The following NPHP4 variants were observed in gnomAD, a reference collection of about 807,000 sequenced individuals.
NPHP4 encodes nephrocystin 4, also known as nephrocystin-4.
A neutral mutation model predicts 155.8 loss-of-function variants in NPHP4; 151 were observed. The ratio of observed to expected loss-of-function variants is 0.97; its 90% CI spans 0.85 to 1.11. NPHP4 has a LOEUF of 1.11. NPHP4 is among the 50% of genes least tolerant of loss of function. NPHP4 has a pLI of 0.00. For synonymous variants in NPHP4, 845 were observed against 816.8 expected (o/e 1.03, Z -0.59); for missense variants, 1,956 against 1,925.7 (o/e 1.02, Z -0.29).
chr1:5,874,720 G>C, intron 21 of NPHP4, 63 bp from the exon 22 acceptor site: 1 of 1,558,206 alleles, frequency 6.4e-7, no homozygotes, highest in Non-Finnish European at 8.8e-7. Flanking sequence ...AGGAGGCTGC[G>C]GTCCCACCCA....
chr1:5,989,963 C>T (rs1266083558), intron 1 of NPHP4, among the ~76,000 whole-genome samples: 1 of 152,228 alleles, frequency 6.6e-6, no homozygotes, highest in African/African-American at 2.4e-5. Flanking sequence ...TCCTGAGGCT[C>T]GGGATGTGGA....
rs763731536 is a variant in NPHP4, at chr1:5,865,260, C to T, written c.3658G>A (p.Ala1220Thr). Residue 1220 changes from alanine to threonine, a missense_variant, in exon 27 of 30, where the codon GCG becomes ACG. Transcript: ENST00000378156. Reference sequence around the variant, plus strand: ...ACCTGCCACGTCTGTGTGGGTGTCGCCAGCCAGCGATCCCTGCAGTGGGAT... The same window carrying T: ...ACCTGCCACGTCTGTGTGGGTGTCGTCAGCCAGCGATCCCTGCAGTGGGAT... ...FVIIYSDRWL[A>T]TPTQTWQVYL... 16 of 1,567,226 alleles carry T rather than the reference C, an allele frequency of 1.0e-5. No individual in the cohort carries two copies. Among genetic ancestry groups the T allele is most frequent in the Non-Finnish European group, 1.4e-5 (16 of 1,149,382 alleles).
chr1:5,941,855 A>C (rs912001495), intron 9 of NPHP4, among the ~76,000 whole-genome samples: 1 of 151,800 alleles, frequency 6.6e-6, no homozygotes, highest in African/African-American at 2.4e-5. Context: ...GTGAGGAGAC[A>C]GGGGGCCCTG....
At chr1:5,969,050 C>T in intron 4 of NPHP4, 37 bp downstream of exon 4, 1 of 1,380,886 alleles carries the variant, frequency 7.2e-7, no homozygotes, top group Non-Finnish European at 9.9e-7. Context: ...AAGACAGACG[C>T]TGGAAAACCC....
In NPHP4 at chr1:5,944,880, G is replaced by A. The variant is rs972157151; in HGVS notation, c.1119+2224C>T. Among the ~76,000 whole-genome samples the A allele has an allele frequency of 3.3e-4, 50 of 152,140 alleles. 1 individual carries two copies. The highest frequency in any genetic ancestry group is 1.5e-4 in the Non-Finnish European group (10 of 68,016). The stretch of plus-strand genomic sequence containing the variant: ...AGCTACTCAGGAGACTGAGGCAGGA[G>A]AGTCACTTGAACCCAGGAGGCGGAG... On this transcript the variant is annotated intron_variant, in intron 9 of 29. Transcript: ENST00000378156. The surrounding 1 kb of genome is among the most constrained non-coding windows in gnomAD (Gnocchi z 4.3).
chr1:5,940,284 C>T (rs1032361048), intron 9 of NPHP4, among the ~76,000 whole-genome samples: 1 of 152,152 alleles, frequency 6.6e-6, no homozygotes, highest in African/African-American at 2.4e-5. Context: ...CTTGCTCACC[C>T]TCTCTTTGCC....
intron 11 of NPHP4, among the ~76,000 whole-genome samples, chr1:5,918,408 G>A (rs895364978): frequency 2.6e-5 from 4 of 152,178 alleles, no homozygotes; most frequent in South Asian, 2.1e-4. Context: ...GATGTACTTG[G>A]AAGAAAATTG....
At position 5,986,247 on chromosome 1, in the gene NPHP4, G is replaced by A. The variant is rs374373238; in HGVS notation, c.43C>T (p.Pro15Ser). The A allele has an allele frequency of 9.9e-6, 16 of 1,613,702 alleles. No homozygotes were observed. The highest frequency in any genetic ancestry group is 1.3e-5 in the Non-Finnish European group (15 of 1,179,848). Residue 15 changes from proline (P) to serine (S), a missense_variant, in exon 2 of 30, where the codon CCT (proline) becomes TCT (serine). Coordinates refer to ENST00000378156, the MANE Select transcript of NPHP4 (RefSeq NM_015102.5). ...HRIFTQNVLV[P>S]PHPQRARQPW... ...TGGCGCGCTCTCTGTGGGTGGGGAG[G>A]GACAAGCACGTTTTGGGTGAAGATC...
chr1:5,879,549 TGCAGATGA>T, intron 19 of NPHP4: 1 of 519,030 alleles, frequency 1.9e-6, no homozygotes, highest in East Asian at 5.4e-5. Context: ...CTCCTTCCCT[TGCAGATGA>T]GCAGCCAACC....
intron 19 of NPHP4, among the ~76,000 whole-genome samples, chr1:5,879,861 G>A (rs1043862505): frequency 7.1e-5 from 10 of 141,684 alleles, no homozygotes; most frequent in African/African-American, 1.6e-4. Context: ...ACACAGACAC[G>A]CACACACACA....
At chr1:5,908,703 C>G (rs932408102) in intron 12 of NPHP4, among the ~76,000 whole-genome samples, 4 of 152,268 alleles carry the variant, frequency 2.6e-5, no homozygotes, top group Admixed American at 2.6e-4. Flanking sequence ...TGGTTCTCAG[C>G]AGTGCCACTG....
At position 5,944,967 on chromosome 1, in the gene NPHP4, A is replaced by G. The variant is rs1647015621; in HGVS notation, c.1119+2137T>C. On this transcript the variant is annotated intron_variant, in intron 9 of 29. Coordinates refer to ENST00000378156, the MANE Select transcript of NPHP4 (RefSeq NM_015102.5). This position sits in a 1 kb window ranked among gnomAD's most constrained non-coding sequence, Gnocchi z 4.3. ...CAGAGTGAGACTCTGTCTCGAAAAG[A>G]GAAGAGAAGAGAAATCAGTGACTCC... 6.6e-6 allele frequency among the ~76,000 whole-genome samples: 1 copy of G among 152,118 alleles called. No individual in the cohort carries two copies. The highest frequency in any genetic ancestry group is 2.4e-5 in the African/African-American group (1 of 41,408).
intron 11 of NPHP4, among the ~76,000 whole-genome samples, chr1:5,915,269 G>A (rs1645414148): frequency 6.6e-6 from 1 of 152,044 alleles, no homozygotes; most frequent in Non-Finnish European, 1.5e-5. Flanking sequence ...GGGGTAAACA[G>A]ATGGCCCCAA....
chr1:5,981,687 T>C (rs1654726234), intron 2 of NPHP4, among the ~76,000 whole-genome samples: 1 of 152,198 alleles, frequency 6.6e-6, no homozygotes, highest in Non-Finnish European at 1.5e-5. Flanking sequence ...ATTTCCAAAC[T>C]CTATTTATAG....
intron 18 of NPHP4, among the ~76,000 whole-genome samples, chr1:5,883,423 C>T (rs1195659474): frequency 6.6e-6 from 1 of 152,242 alleles, no homozygotes; most frequent in East Asian, 1.9e-4. Context: ...CCACCAGCCC[C>T]AAAGCCTCAG....
In NPHP4 at chr1:5,913,009, G is replaced by C. The variant is rs187684522; in HGVS notation, c.1442-3796C>G. 8.5e-5 allele frequency among the ~76,000 whole-genome samples: 13 copies of C among 152,260 alleles called. No individual in the cohort carries two copies. In the East Asian group the frequency reaches 2.3e-3, roughly 27 times the overall value. On this transcript the variant is annotated intron_variant, in intron 11 of 29. Transcript: ENST00000378156. ...CTACTAAAAATACAAAAATTAGCCA[G>C]ACATGGTGGCACGCGCCTGTAATCC...
chr1:5,903,084 C>A (rs1644753258), intron 16 of NPHP4, among the ~76,000 whole-genome samples: 1 of 152,146 alleles, frequency 6.6e-6, no homozygotes, highest in Non-Finnish European at 1.5e-5. Flanking sequence ...ATTCTCTAAA[C>A]GGGATGTACA....
chr1:5,903,702 C>A (rs1179871703), intron 16 of NPHP4, among the ~76,000 whole-genome samples: 1 of 152,136 alleles, frequency 6.6e-6, no homozygotes, highest in Admixed American at 6.5e-5. Context: ...CAAGTATTAT[C>A]CAGCCTTTCC....
At chr1:5,964,941 A>ATTTTTTTTTTTTTTTTT (rs55734317) in intron 5 of NPHP4, among the ~76,000 whole-genome samples, 14 of 59,416 alleles carry the variant, frequency 2.4e-4, no homozygotes, top group African/African-American at 8.5e-4. Flanking sequence ...ATATATATAT[A>ATTTTTTTTTTTTTTTTT]TTTTTTTTTT....
Sources: gnomAD v4.1 joint callset for allele counts (sites outside exome capture counted in the v4.1 genomes callset) on GRCh38, gnomAD v4.1.1 for gene constraint, Gnocchi (gnomAD v3.1) non-coding constraint, MANE v1.5 for transcripts, NCBI Gene and HGNC (gene_info 2026-07-23, HGNC 2026-07-21) for gene names.